The following PIWIL2 variants were observed in gnomAD, a reference collection of about 807,000 sequenced individuals.
PIWIL2 encodes the protein piwi like RNA-mediated gene silencing 2.
Under a neutral mutation model 116.5 loss-of-function variants are expected in PIWIL2, and 81 were observed. The ratio of observed to expected loss-of-function variants is 0.70; its 90% CI spans 0.58 to 0.84. The LOEUF is 0.84. PIWIL2 is among the 40% of genes least tolerant of loss of function. The probability of loss-of-function intolerance (pLI) is 0.00; values close to 1 mark genes in which losing one functional copy is unlikely to be tolerated. For missense variants in PIWIL2, 1,272 were observed against 1,212.3 expected (o/e 1.05, Z -0.73); for synonymous variants, 489 against 429.5 (o/e 1.14, Z -1.71).
At position 22,357,090 on chromosome 8, in the gene PIWIL2, A is replaced by G. The variant is rs1036752966; in HGVS notation, c.*1585A>G. ...GCTTAAAACTCCGTAAAATGTGCTC[A>G]CTTCAGCAGCACATATACTAAAATT... is the stretch of plus-strand genomic sequence containing the variant. On this transcript the variant is annotated 3_prime_UTR_variant, in exon 23 of 23. Transcript: ENST00000356766. The G allele has an allele frequency of 3.9e-5, 6 of 152,218 alleles. No homozygotes were observed. The highest frequency in any genetic ancestry group is 1.4e-4 in the African/African-American group (6 of 41,476). The allele number at this position is 152,218 out of a possible 1,614,324, so 9.4% of individuals were successfully genotyped here. A position where few individuals can be genotyped will look rare whatever the true frequency, so the allele number is the denominator to read the frequency against.
chr8:22,302,421 C>T (rs1159494675), intron 10 of PIWIL2, among the ~76,000 whole-genome samples: 2 of 152,058 alleles, frequency 1.3e-5, no homozygotes, highest in Admixed American at 6.6e-5. Flanking sequence ...CATCATGATC[C>T]GCCCACCTCG....
chr8:22,330,961 A>G (rs1325548669), intron 20 of PIWIL2, among the ~76,000 whole-genome samples: 1 of 151,676 alleles, frequency 6.6e-6, no homozygotes, highest in Admixed American at 6.6e-5. Flanking sequence ...GATCCCCTGA[A>G]GTCAGGAGTT....
intron 20 of PIWIL2, among the ~76,000 whole-genome samples, chr8:22,336,056 C>G (rs756166103): frequency 2.6e-5 from 4 of 152,088 alleles, no homozygotes; most frequent in African/African-American, 4.8e-5. Context: ...TAGTTTGAGA[C>G]TTCAAAACTT....
intron 20 of PIWIL2, among the ~76,000 whole-genome samples, chr8:22,334,519 CA>C (rs71544878): frequency 0.066 from 8,739 of 132,200 alleles, 317 homozygotes; most frequent in Admixed American, 0.099. Context: ...GAGTCCGTCT[CA>C]AAAAAAAAAA....
At chr8:22,294,965 G>T (rs1390132157) in intron 10 of PIWIL2, among the ~76,000 whole-genome samples, 2 of 147,210 alleles carry the variant, frequency 1.4e-5, no homozygotes, top group Admixed American at 7.0e-5. Flanking sequence ...TGTAGTCCCA[G>T]CTACTCCAGA....
Position 22,311,269 on chromosome 8 carries a change from T to G in PIWIL2, c.1958T>G (p.Val653Gly). 1 of 1,613,070 alleles carries G rather than the reference T, an allele frequency of 6.2e-7. No individual in the cohort carries two copies. The highest frequency in any genetic ancestry group is 8.5e-7 in the Non-Finnish European group (1 of 1,179,676). ...AAGGATGACCGAATAGAGACTTATG[T>G]CAGAACCATTCAATCCACGTTAGGA... The part of the protein sequence containing the change: ...ELKDDRIETY[V>G]RTIQSTLGAE... The change falls in exon 16 of 23, where the codon GTC (valine) becomes GGC (glycine). Residue 653 changes from valine to glycine, a missense_variant. Transcript: ENST00000356766.
At chr8:22,323,230 C>G (rs1343392977) in intron 20 of PIWIL2, among the ~76,000 whole-genome samples, 5 of 141,752 alleles carry the variant, frequency 3.5e-5, no homozygotes, top group African/African-American at 1.3e-4. Context: ...TCACTGCAAC[C>G]TCCGCCTCCC....
intron 20 of PIWIL2, among the ~76,000 whole-genome samples, chr8:22,352,110 A>C (rs548024065): frequency 6.6e-6 from 1 of 151,750 alleles, no homozygotes; most frequent in African/African-American, 2.4e-5. Flanking sequence ...ATGCCTGTGT[A>C]ATTTTTGTAT....
At chr8:22,288,807 T>C (rs779881437) in intron 8 of PIWIL2, 141 bp downstream of exon 8, 5 of 666,030 alleles carry the variant, frequency 7.5e-6, no homozygotes, top group Non-Finnish European at 9.8e-6. Flanking sequence ...ATGGATGGTA[T>C]TGAGGCTAAC....
intron 20 of PIWIL2, among the ~76,000 whole-genome samples, chr8:22,339,457 G>A (rs1161088850): frequency 2.6e-5 from 4 of 151,132 alleles, no homozygotes; most frequent in Admixed American, 1.3e-4. Context: ...TTGGTGAGCC[G>A]AGATCACACC....
chr8:22,338,297 T>C (rs1303322934), intron 20 of PIWIL2, among the ~76,000 whole-genome samples: 2 of 152,174 alleles, frequency 1.3e-5, no homozygotes, highest in East Asian at 1.9e-4. Context: ...TAAGCAAGAA[T>C]TGCAAGGTTG....
In PIWIL2 at chr8:22,279,467, T is replaced by C; in HGVS notation, c.81T>C (p.Cys27=). Residue 27 remains cysteine, a synonymous_variant, in exon 2 of 23, where the codon TGT becomes TGC. Coordinates refer to ENST00000356766, the MANE Select transcript of PIWIL2 (RefSeq NM_018068.5). The part of the protein sequence containing the change: ...SQCQAVRMPG[C]WPQASKPLDP... ...GCCAGGCTGTACGGATGCCAGGCTG[T>C]TGGCCACAAGCTTCTAAACCTTTGG... is the stretch of plus-strand genomic sequence containing the variant. 1 of 1,614,184 alleles carries C rather than the reference T, an allele frequency of 6.2e-7. No individual in the cohort carries two copies. The highest frequency in any genetic ancestry group is 8.5e-7 in the Non-Finnish European group (1 of 1,180,018).
intron 20 of PIWIL2, among the ~76,000 whole-genome samples, chr8:22,337,896 C>T (rs1323607234): frequency 6.6e-6 from 1 of 152,018 alleles, no homozygotes; most frequent in East Asian, 1.9e-4. Context: ...GAGTTCGAGA[C>T]CAGCCTCGCC....
rs67357452 is a variant in PIWIL2, at chr8:22,296,020, C to CTTTTTTTTTTTTTTTT, written c.1181+5697_1181+5712dup. On this transcript the variant is annotated intron_variant, in intron 10 of 22. Transcript: ENST00000356766. ...ACTGTCTTGGGGTTCCTCTTCCCTT[C>CTTTTTTTTTTTTTTTT]TTTTTTTTTTTTTTTTTTTTTTTTT... Among the ~76,000 whole-genome samples the CTTTTTTTTTTTTTTTT allele has an allele frequency of 1.8e-4, 19 of 102,836 alleles. 1 individual carries two copies. Among genetic ancestry groups the CTTTTTTTTTTTTTTTT allele is most frequent in the South Asian group, 6.0e-4 (2 of 3,336 alleles). The allele number at this position is 102,836 out of a possible 152,430, so 67.5% of individuals were successfully genotyped here.
intron 20 of PIWIL2, among the ~76,000 whole-genome samples, chr8:22,328,058 T>A (rs1347672583): frequency 2.6e-5 from 4 of 152,208 alleles, no homozygotes; most frequent in Non-Finnish European, 5.9e-5. Context: ...CCCCTGTTTT[T>A]TTTTTCTAAC....
chr8:22,277,549 A>G (rs1257781149), intron 1 of PIWIL2, among the ~76,000 whole-genome samples: 1 of 151,928 alleles, frequency 6.6e-6, no homozygotes, highest in African/African-American at 2.4e-5. Context: ...TTTTTTAATT[A>G]TTTGTAGAGA....
At chr8:22,338,168 A>G (rs540993224) in intron 20 of PIWIL2, among the ~76,000 whole-genome samples, 2 of 152,286 alleles carry the variant, frequency 1.3e-5, no homozygotes, top group East Asian at 1.9e-4. Flanking sequence ...CAATATTGTT[A>G]AGACGCAATA....
At chr8:22,309,089 G>T (rs919717655) in intron 14 of PIWIL2, among the ~76,000 whole-genome samples, 8 of 151,912 alleles carry the variant, frequency 5.3e-5, no homozygotes, top group Admixed American at 5.2e-4. Flanking sequence ...AGCTTCCCAA[G>T]TAGCTGGGAT....
chr8:22,341,032 C>T (rs1832096331), intron 20 of PIWIL2, among the ~76,000 whole-genome samples: 1 of 152,074 alleles, frequency 6.6e-6, no homozygotes, highest in Non-Finnish European at 1.5e-5. Context: ...TTCATAGAGC[C>T]TTTAGAGGAA....
Sources: allele counts gnomAD v4.1 joint callset (sites outside exome capture counted in the v4.1 genomes callset), GRCh38; gene constraint gnomAD v4.1.1; transcripts MANE v1.5; gene names NCBI Gene and HGNC (gene_info 2026-07-23, HGNC 2026-07-21).